ADARB2: variants seen among roughly 807,000 people sequenced by gnomAD.
The protein encoded by ADARB2 is inactive double-stranded RNA-specific editase B2.
A neutral mutation model predicts 62.2 loss-of-function variants in ADARB2; 25 were observed. The ratio of observed to expected loss-of-function variants is 0.40; its 90% CI spans 0.29 to 0.56. The LOEUF is 0.56. Among genes scored for constraint, ADARB2 ranks in the 20% least tolerant of loss-of-function variants. The pLI, the probability that ADARB2 is intolerant of heterozygous loss-of-function variation, is 0.43. For missense variants in ADARB2, 1,071 were observed against 1,077.4 expected, an observed-to-expected ratio of 0.99 and a Z score of 0.08; for synonymous variants, 572 against 500.8, an observed-to-expected ratio of 1.14 and a Z score of -1.90.
chr10:1,551,152 A>G (rs1392250239), intron 1 of ADARB2, among the ~76,000 whole-genome samples: 7 of 152,156 alleles, frequency 4.6e-5, no homozygotes, highest in African/African-American at 1.7e-4. Context: ...ACACAGACAC[A>G]CACAGAAGGA....
At position 1,478,914 on chromosome 10, in the gene ADARB2, G is replaced by A. The variant is rs550011084; in HGVS notation, c.101-99754C>T. Among the ~76,000 whole-genome samples the A allele has an allele frequency of 1.2e-4, 18 of 152,338 alleles. No homozygotes were observed. The South Asian group carries it at 3.7e-3, about 32-fold the overall frequency. On this transcript the variant is annotated intron_variant, in intron 1 of 9. Transcript: ENST00000381312. ...CCAAAATGGGAACCCTCAGGTGGGA[G>A]AGAACCAAGATGGGGACCCTTGGAG...
chr10:1,736,958 C>T (rs1171199165), intron 1 of ADARB2, 93 bp downstream of exon 1: 4 of 1,329,726 alleles, frequency 3.0e-6, no homozygotes, highest in Non-Finnish European at 4.2e-6. Flanking sequence ...TGAAGCTGCT[C>T]ACAACGGACA....
At chr10:1,370,615 C>A (rs749105167) in intron 2 of ADARB2, among the ~76,000 whole-genome samples, 18 of 152,154 alleles carry the variant, frequency 1.2e-4, no homozygotes, top group Admixed American at 1.1e-3. Flanking sequence ...TTTCAGGATA[C>A]AAAATCAATG....
At chr10:1,474,735 C>T (rs1028736134) in intron 1 of ADARB2, among the ~76,000 whole-genome samples, 3 of 152,080 alleles carry the variant, frequency 2.0e-5, no homozygotes, top group Admixed American at 2.0e-4. Context: ...CCCCAGGCAG[C>T]GGGTGGGTCG....
chr10:1,255,699 T>A lies in ADARB2; in HGVS notation c.1193-13400A>T, dbSNP rs1831073756. On this transcript the variant is annotated intron_variant, in intron 4 of 9. Transcript: ENST00000381312. This position sits in a 1 kb window ranked among gnomAD's most constrained non-coding sequence, Gnocchi z 4.7. The stretch of plus-strand genomic sequence containing the variant: ...AAACTGAGGAGATGCCAGTGACCTT[T>A]CTGTGGGCCTTGGGCAGGGAGCTGG... Among the ~76,000 whole-genome samples the A allele has an allele frequency of 1.3e-5, 2 of 152,224 alleles. No individual in the cohort carries two copies. Among genetic ancestry groups the A allele is most frequent in the South Asian group, 4.1e-4 (2 of 4,838 alleles).
intron 1 of ADARB2, among the ~76,000 whole-genome samples, chr10:1,699,363 C>T (rs71500161): frequency 3.0e-5 from 1 of 33,558 alleles, no homozygotes; most frequent in African/African-American, 9.7e-5. Context: ...CAGGCGCTCG[C>T]CAATACACGC....
chr10:1,713,712 C>T (rs1173394923), intron 1 of ADARB2, among the ~76,000 whole-genome samples: 1 of 152,162 alleles, frequency 6.6e-6, no homozygotes, highest in East Asian at 1.9e-4. Flanking sequence ...ACCTGGATAC[C>T]TCCATGGGTG....
intron 1 of ADARB2, among the ~76,000 whole-genome samples, chr10:1,561,498 CA>C (rs1224051054): frequency 6.6e-6 from 1 of 152,168 alleles, no homozygotes; most frequent in Non-Finnish European, 1.5e-5. Flanking sequence ...TTTAACAAGA[CA>C]AAACAAAATG....
chr10:1,566,463 G>A (rs1037695544), intron 1 of ADARB2, among the ~76,000 whole-genome samples: 1 of 152,190 alleles, frequency 6.6e-6, no homozygotes, highest in African/African-American at 2.4e-5. Context: ...AATCCTAATT[G>A]CTTTCCCTCA....
At chr10:1,491,400 C>T (rs1037208255) in intron 1 of ADARB2, among the ~76,000 whole-genome samples, 1 of 152,108 alleles carries the variant, frequency 6.6e-6, no homozygotes, top group South Asian at 2.1e-4. Context: ...CATTTTGAAA[C>T]CTTTTATTTA....
intron 4 of ADARB2, 84 bp from the exon 5 acceptor site, chr10:1,242,383 C>T (rs1027801656): frequency 1.3e-5 from 18 of 1,437,406 alleles, no homozygotes; most frequent in African/African-American, 4.3e-5. Flanking sequence ...CTCACAACAG[C>T]GGTTTCCCTG....
intron 1 of ADARB2, among the ~76,000 whole-genome samples, chr10:1,504,410 G>A (rs570671275): frequency 4.6e-5 from 7 of 152,292 alleles, no homozygotes; most frequent in South Asian, 2.1e-4. Context: ...TGCATCTGGC[G>A]CTGGACATTC....
intron 1 of ADARB2, among the ~76,000 whole-genome samples, chr10:1,581,493 T>C (rs1216301471): frequency 2.0e-5 from 3 of 152,244 alleles, no homozygotes; most frequent in Admixed American, 6.5e-5. Flanking sequence ...CCAGCCTGGC[T>C]CTACTCCTTG....
At chr10:1,373,803 C>T (rs1832396461) in intron 2 of ADARB2, among the ~76,000 whole-genome samples, 1 of 85,114 alleles carries the variant, frequency 1.2e-5, no homozygotes, top group Non-Finnish European at 3.0e-5. Flanking sequence ...CGCACCTTTC[C>T]TAGTGAGACC....
intron 1 of ADARB2, among the ~76,000 whole-genome samples, chr10:1,440,651 T>C (rs1830894502): frequency 6.6e-6 from 1 of 152,210 alleles, no homozygotes; most frequent in Non-Finnish European, 1.5e-5. Flanking sequence ...TCCTGAAAAA[T>C]GTCTAAAGTC....
At chr10:1,518,117 C>T (rs548897137) in intron 1 of ADARB2, among the ~76,000 whole-genome samples, 2 of 152,188 alleles carry the variant, frequency 1.3e-5, no homozygotes, top group Non-Finnish European at 2.9e-5. Flanking sequence ...GAGGCCAACC[C>T]GTTAGAAAAG....
At chr10:1,621,783 C>T (rs1481748086) in intron 1 of ADARB2, among the ~76,000 whole-genome samples, 1 of 152,224 alleles carries the variant, frequency 6.6e-6, no homozygotes, top group Non-Finnish European at 1.5e-5. Context: ...GTCAAGATAA[C>T]AATTCATCCC....
Position 1,261,734 on chromosome 10 carries a change from C to T in ADARB2, c.1192+9221G>A, listed in dbSNP as rs563349654. On this transcript the variant is annotated intron_variant, in intron 4 of 9. Coordinates refer to ENST00000381312, the MANE Select transcript of ADARB2 (RefSeq NM_018702.4). Reference sequence around the variant, plus strand: ...TCAACCATTGTGGAAGTCAGTGTGGCGATTCCTCAGGGATCTAGAACTAGA... The same window carrying T: ...TCAACCATTGTGGAAGTCAGTGTGGTGATTCCTCAGGGATCTAGAACTAGA... Among the ~76,000 whole-genome samples the T allele has an allele frequency of 5.2e-3, 778 of 150,166 alleles. 13 individuals carry two copies. The highest frequency in any genetic ancestry group is 8.7e-3 in the Non-Finnish European group (592 of 67,984).
At chr10:1,724,813 G>C (rs919238792) in intron 1 of ADARB2, among the ~76,000 whole-genome samples, 1 of 152,156 alleles carries the variant, frequency 6.6e-6, no homozygotes, top group South Asian at 2.1e-4. Context: ...TAATAAGCAG[G>C]GGTGTCGTAG....
Sources: gnomAD v4.1 joint callset for allele counts (sites outside exome capture counted in the v4.1 genomes callset) on GRCh38, gnomAD v4.1.1 for gene constraint, Gnocchi (gnomAD v3.1) non-coding constraint, MANE v1.5 for transcripts, NCBI Gene and HGNC (gene_info 2026-07-23, HGNC 2026-07-21) for gene names.